Variants in TCN2 observed in about 807,000 individuals in gnomAD.
The protein encoded by TCN2 is transcobalamin 2.
Under a neutral mutation model 48.6 loss-of-function variants are expected in TCN2, and 34 were observed. The ratio of observed to expected loss-of-function variants is 0.70; its 90% CI spans 0.53 to 0.93. The LOEUF (loss-of-function observed/expected upper bound fraction) is 0.93, where lower values mean the gene tolerates loss of function less well. TCN2 is among the 40% of genes least tolerant of loss of function. TCN2 has a pLI of 0.00. For synonymous variants in TCN2, 283 were observed against 212.5 expected (o/e 1.33, Z -2.89); for missense variants, 652 against 526.1 (o/e 1.24, Z -2.34).
chr22:30,608,832 T>C (rs1403813721), intron 1 of TCN2, among the ~76,000 whole-genome samples: 1 of 152,224 alleles, frequency 6.6e-6, no homozygotes, highest in Non-Finnish European at 1.5e-5. Flanking sequence ...TCCTCCTGGC[T>C]GATCTGGTCC....
At chr22:30,612,803 G>C in intron 2 of TCN2, 70 bp from the exon 3 acceptor site, 1 of 1,588,456 alleles carries the variant, frequency 6.3e-7, no homozygotes, top group Non-Finnish European at 8.6e-7. Context: ...TGATGCGGGT[G>C]GGGTGGGTGC....
At chr22:30,618,975 G>A (rs954177040) in intron 7 of TCN2, among the ~76,000 whole-genome samples, 6 of 151,712 alleles carry the variant, frequency 4.0e-5, no homozygotes, top group African/African-American at 1.5e-4. Context: ...TTGCCATTTT[G>A]GCCAGGCTGG....
chr22:30,620,851 G>A (rs2087686745), intron 7 of TCN2, among the ~76,000 whole-genome samples: 1 of 152,206 alleles, frequency 6.6e-6, no homozygotes, highest in Non-Finnish European at 1.5e-5. Context: ...CTCAACTGCA[G>A]ACACAGATAG....
chr22:30,613,910 G>T (rs1389897250), intron 3 of TCN2, among the ~76,000 whole-genome samples: 1 of 152,112 alleles, frequency 6.6e-6, no homozygotes, highest in Non-Finnish European at 1.5e-5. Flanking sequence ...TCATAAGCCA[G>T]TTTTTTCATA....
chr22:30,610,796 C>T (rs1050731686), intron 1 of TCN2, 75 bp from the exon 2 acceptor site: 9 of 1,523,642 alleles, frequency 5.9e-6, no homozygotes, highest in Admixed American at 5.1e-5. Context: ...CTGGAGAAGG[C>T]CCTGGTAACG....
At position 30,626,565 on chromosome 22, in the gene TCN2, C is replaced by T; in HGVS notation, c.*44C>T. 14 of 1,605,416 alleles carry T rather than the reference C, an allele frequency of 8.7e-6. No homozygotes were observed. Among genetic ancestry groups the T allele is most frequent in the Non-Finnish European group, 1.2e-5 (14 of 1,173,202 alleles). On this transcript the variant is annotated 3_prime_UTR_variant, in exon 9 of 9. Coordinates refer to ENST00000215838, the MANE Select transcript of TCN2 (RefSeq NM_000355.4). ...CCAGCAGCCTCGCACACTCCCTAGG[C>T]TTCTACCCTCCCTCCTGATGTCCCT...
chr22:30,623,188 C>A, intron 8 of TCN2, 105 bp downstream of exon 8: 1 of 1,051,972 alleles, frequency 9.5e-7, no homozygotes, highest in Non-Finnish European at 1.5e-6. Flanking sequence ...TCCTGGGCCA[C>A]ACCTTCACAA....
At chr22:30,609,783 G>C (rs1317528865) in intron 1 of TCN2, among the ~76,000 whole-genome samples, 1 of 152,136 alleles carries the variant, frequency 6.6e-6, no homozygotes, top group East Asian at 1.9e-4. Flanking sequence ...CTTTGGTCTG[G>C]GCCCACACAG....
chr22:30,625,260 T>C (rs963545982), intron 8 of TCN2, among the ~76,000 whole-genome samples: 13 of 152,130 alleles, frequency 8.5e-5, no homozygotes, highest in Non-Finnish European at 1.6e-4. Flanking sequence ...TTAACAGTTC[T>C]GGAGGTTGGG....
chr22:30,619,419 C>T (rs1052761393), intron 7 of TCN2, among the ~76,000 whole-genome samples: 7 of 152,212 alleles, frequency 4.6e-5, no homozygotes, highest in South Asian at 2.1e-4. Context: ...TTGGCCCTAT[C>T]CTGTTATTAA....
At position 30,610,976 on chromosome 22, in the gene TCN2, G is replaced by T. The variant is rs752965806; in HGVS notation, c.170G>T (p.Gly57Val). The T allele has an allele frequency of 4.3e-6, 7 of 1,614,042 alleles. No individual in the cohort carries two copies. The African/African-American group carries it at 9.3e-5, about 22-fold the overall frequency. The part of the protein sequence containing the change: ...LEHLNPSIYV[G>V]LRLSSLQAGT... ...CACTTGAACCCCAGCATCTATGTGG[G>T]CCTACGCCTCTCCAGTCTGCAGGCT... Residue 57 changes from glycine (G) to valine (V), a missense_variant, in exon 2 of 9, where the codon GGC becomes GTC. Gly to Val is a moderately radical substitution (Grantham distance 109). Coordinates refer to ENST00000215838, the MANE Select transcript of TCN2 (RefSeq NM_000355.4).
In TCN2 at chr22:30,615,421, A is replaced by C. The variant is rs145641025; in HGVS notation, c.701A>C (p.Gln234Pro). 2 of 1,614,086 alleles carry C rather than the reference A, an allele frequency of 1.2e-6. No homozygotes were observed. Among genetic ancestry groups the C allele is most frequent in the African/African-American group, 2.7e-5 (2 of 74,938 alleles). The change falls in exon 5 of 9, where the codon CAG becomes CCG. Residue 234 changes from glutamine (Q) to proline (P), a missense_variant. Gln to Pro is a moderately conservative substitution (Grantham distance 76). Transcript: ENST00000215838. ...RTVREEILKA[Q>P]TPEGHFGNVY... ...GTGCGAGAGGAGATCTTGAAGGCCC[A>C]GACCCCCGAGGGCCACTTTGGGAAT...
chr22:30,623,877 CATAT>C lies in TCN2; in HGVS notation c.1222+798_1222+801del, dbSNP rs751545658. Among the ~76,000 whole-genome samples the C allele has an allele frequency of 7.4e-5, 5 of 67,966 alleles. 2 individuals are homozygous for C. The highest frequency in any genetic ancestry group is 2.5e-4 in the African/African-American group (2 of 7,912). 44.6% of individuals were successfully genotyped at this position (67,966 alleles called of 152,430 possible). On this transcript the variant is annotated intron_variant, in intron 8 of 8. Coordinates refer to ENST00000215838, the MANE Select transcript of TCN2 (RefSeq NM_000355.4). ...ACATACATACACACATATATACACACATATATACACACATATATATGTATACATA... is the reference window on the plus strand; with the variant it reads ...ACATACATACACACATATATACACACATACACACATATATATGTATACATA...
chr22:30,620,986 G>C (rs537620703), intron 7 of TCN2, among the ~76,000 whole-genome samples: 4 of 146,920 alleles, frequency 2.7e-5, no homozygotes, highest in South Asian at 2.1e-4. Flanking sequence ...ACCCCAAATA[G>C]GGTGGTGGTT....
At chr22:30,625,105 C>T (rs2087785519) in intron 8 of TCN2, among the ~76,000 whole-genome samples, 1 of 152,144 alleles carries the variant, frequency 6.6e-6, no homozygotes, top group African/African-American at 2.4e-5. Context: ...GTAATCCCAG[C>T]TACTCAGGAG....
chr22:30,624,392 AG>A (rs1395502519), intron 8 of TCN2, among the ~76,000 whole-genome samples: 2 of 151,998 alleles, frequency 1.3e-5, no homozygotes, highest in Non-Finnish European at 2.9e-5. Context: ...GACCCTTAAA[AG>A]TCATCTGTTC....
intron 6 of TCN2, among the ~76,000 whole-genome samples, chr22:30,616,110 A>G (rs190107758): frequency 1.8e-3 from 281 of 152,282 alleles, no homozygotes; most frequent in African/African-American, 6.2e-3. Context: ...CTAATACAAC[A>G]TGATAAGCCC....
intron 7 of TCN2, among the ~76,000 whole-genome samples, chr22:30,618,587 G>A (rs1421810335): frequency 1.3e-5 from 2 of 152,176 alleles, no homozygotes; most frequent in Non-Finnish European, 2.9e-5. Flanking sequence ...CTGAACTCGG[G>A]TGATCTGCCT....
rs2087626571 is a variant in TCN2, at chr22:30,617,362, C to T, written c.973C>T (p.Gln325Ter). ...MLEPAAETIPQTQEIISVTLQ... is the reference protein window; with the variant it reads ...MLEPAAETIP ...GGAACCAGCTGCTGAGACCATTCCT[C>T]AGACCCAAGAGATCATCAGTGTCAC... The change falls in exon 7 of 9, where the codon CAG (glutamine) becomes TAG (stop). Residue 325 changes from glutamine to a stop codon, truncating the protein, a stop_gained. Transcript: ENST00000215838. LOFTEE classifies it high-confidence loss of function. 1 of 1,614,082 alleles carries T rather than the reference C, an allele frequency of 6.2e-7. No homozygotes were observed. The highest frequency in any genetic ancestry group is 1.3e-5 in the African/African-American group (1 of 74,916).
Sources: gnomAD v4.1 joint callset for allele counts (sites outside exome capture counted in the v4.1 genomes callset) on GRCh38, gnomAD v4.1.1 for gene constraint, MANE v1.5 for transcripts, NCBI Gene and HGNC (gene_info 2026-07-23, HGNC 2026-07-21) for gene names.